The following KCND2 variants were observed in gnomAD, a reference collection of about 807,000 sequenced individuals.
KCND2 encodes the protein potassium voltage-gated channel subfamily D member 2, also known as A-type voltage-gated potassium channel KCND2.
In KCND2, 16 loss-of-function variants were observed where a neutral mutation model predicts 54.4. The ratio of observed to expected loss-of-function variants is 0.29; its 90% CI spans 0.20 to 0.45. The LOEUF is 0.45. Ranked by LOEUF, KCND2 falls within the 20% of genes least tolerant of loss-of-function variation. The probability of loss-of-function intolerance (pLI) is 1.00; values close to 1 mark genes in which losing one functional copy is unlikely to be tolerated. For synonymous variants in KCND2, 317 were observed against 310.7 expected, an observed-to-expected ratio of 1.02 and a Z score of -0.21; for missense variants, 486 against 824.2, an observed-to-expected ratio of 0.59 and a Z score of 5.02.
intron 1 of KCND2, among the ~76,000 whole-genome samples, chr7:120,677,595 C>G (rs1792083334): frequency 6.8e-6 from 1 of 148,104 alleles, no homozygotes; most frequent in Non-Finnish European, 1.5e-5. Context: ...ATAAAATACT[C>G]AATGCTAATT....
intron 1 of KCND2, among the ~76,000 whole-genome samples, chr7:120,334,803 G>A (rs910086290): frequency 2.6e-5 from 4 of 152,182 alleles, no homozygotes; most frequent in Non-Finnish European, 4.4e-5. Flanking sequence ...AATATAATGA[G>A]TCTTCTTAAT....
At chr7:120,289,836 G>A (rs1799408184) in intron 1 of KCND2, among the ~76,000 whole-genome samples, 2 of 151,938 alleles carry the variant, frequency 1.3e-5, no homozygotes. Flanking sequence ...ATTTTAATTG[G>A]GTCTATGATT....
intron 1 of KCND2, among the ~76,000 whole-genome samples, chr7:120,616,735 A>G (rs1793030437): frequency 1.3e-5 from 2 of 152,182 alleles, no homozygotes; most frequent in Admixed American, 6.5e-5. Context: ...GTGTGTGTGC[A>G]TGCCTTTGTG....
Position 120,442,896 on chromosome 7 carries a change from G to C in KCND2, c.1115+167149G>C, listed in dbSNP as rs568210282. Reference sequence around the variant, plus strand: ...ATAAAAGTAAATTAAATTTAAAGAAGAAATTTAAGATCTACATATGTTCTC... The same window carrying C: ...ATAAAAGTAAATTAAATTTAAAGAACAAATTTAAGATCTACATATGTTCTC... On this transcript the variant is annotated intron_variant, in intron 1 of 5. Coordinates refer to ENST00000331113, the MANE Select transcript of KCND2 (RefSeq NM_012281.3). Among the ~76,000 whole-genome samples the C allele has an allele frequency of 1.3e-4, 20 of 152,088 alleles. 1 individual carries two copies. Among genetic ancestry groups the C allele is most frequent in the Admixed American group, 1.2e-3 (19 of 15,260 alleles).
At chr7:120,602,205 T>C in intron 1 of KCND2, among the ~76,000 whole-genome samples, 1 of 152,206 alleles carries the variant, frequency 6.6e-6, no homozygotes, top group East Asian at 1.9e-4. Flanking sequence ...ATTTCCTCAT[T>C]TTAGAGAATT....
chr7:120,484,860 A>G (rs2116287620), intron 1 of KCND2, among the ~76,000 whole-genome samples: 1 of 152,278 alleles, frequency 6.6e-6, no homozygotes, highest in East Asian at 1.9e-4. Flanking sequence ...TTTTAACTGA[A>G]GTAGGAAGTA....
intron 1 of KCND2, among the ~76,000 whole-genome samples, chr7:120,630,735 T>C (rs1235982405): frequency 1.3e-5 from 2 of 152,206 alleles, no homozygotes; most frequent in Non-Finnish European, 2.9e-5. Context: ...GAGTCATGCT[T>C]TTCACAATTT....
chr7:120,658,889 G>A (rs112958122), intron 1 of KCND2, among the ~76,000 whole-genome samples: 177 of 152,282 alleles, frequency 1.2e-3, no homozygotes, highest in African/African-American at 4.0e-3. Flanking sequence ...TGTGGGATTG[G>A]TCTATACCGG....
At chr7:120,744,535 T>G (rs1437525398) in intron 4 of KCND2, among the ~76,000 whole-genome samples, 1 of 152,140 alleles carries the variant, frequency 6.6e-6, no homozygotes, top group Non-Finnish European at 1.5e-5. Flanking sequence ...TTGTGCACCA[T>G]TTTTTCTTTG....
At chr7:120,732,846 G>T (rs1270816678) in intron 1 of KCND2, 57 bp from the exon 2 acceptor site, 4 of 1,456,332 alleles carry the variant, frequency 2.7e-6, no homozygotes, top group Non-Finnish European at 3.8e-6. Flanking sequence ...TTAGTTTCAG[G>T]TAGAAATGTC....
intron 1 of KCND2, among the ~76,000 whole-genome samples, chr7:120,349,095 C>A (rs1483744197): frequency 6.6e-6 from 1 of 152,178 alleles, no homozygotes; most frequent in African/African-American, 2.4e-5. Context: ...TATCTTACCA[C>A]CCCTCATAAA....
intron 1 of KCND2, among the ~76,000 whole-genome samples, chr7:120,315,042 A>T (rs1320073699): frequency 5.3e-5 from 8 of 152,120 alleles, no homozygotes; most frequent in Admixed American, 3.9e-4. Context: ...TTGTTGAAAG[A>T]TATATGGAAG....
At chr7:120,418,850 CAAAT>C (rs1801566241) in intron 1 of KCND2, among the ~76,000 whole-genome samples, 1 of 152,126 alleles carries the variant, frequency 6.6e-6, no homozygotes, top group African/African-American at 2.4e-5. Context: ...TTCCACCAAA[CAAAT>C]ACATTGTTTT....
intron 1 of KCND2, among the ~76,000 whole-genome samples, chr7:120,668,851 A>G (rs532006595): frequency 7.9e-5 from 12 of 152,162 alleles, no homozygotes; most frequent in African/African-American, 2.9e-4. Context: ...AGAGCTACCA[A>G]ATCATTTCAT....
chr7:120,430,258 T>A (rs1801770230), intron 1 of KCND2, among the ~76,000 whole-genome samples: 1 of 152,176 alleles, frequency 6.6e-6, no homozygotes, highest in Non-Finnish European at 1.5e-5. Context: ...TTTCTCTTCG[T>A]GTGCCTCCCT....
chr7:120,515,319 G>A (rs1803180410), intron 1 of KCND2, among the ~76,000 whole-genome samples: 1 of 152,080 alleles, frequency 6.6e-6, no homozygotes, highest in African/African-American at 2.4e-5. Context: ...ATCTGGAAGG[G>A]AATATTCCTG....
intron 1 of KCND2, among the ~76,000 whole-genome samples, chr7:120,310,746 G>A (rs1486837381): frequency 6.6e-6 from 1 of 151,978 alleles, no homozygotes; most frequent in Non-Finnish European, 1.5e-5. Flanking sequence ...AGACCAGCCT[G>A]GCCAACATGG....
At chr7:120,657,271 A>G (rs1320764904) in intron 1 of KCND2, among the ~76,000 whole-genome samples, 4 of 152,206 alleles carry the variant, frequency 2.6e-5, no homozygotes, top group Non-Finnish European at 5.9e-5. Context: ...CAAAAACAGT[A>G]AAGAATAATT....
At chr7:120,511,024 T>A (rs563313055) in intron 1 of KCND2, among the ~76,000 whole-genome samples, 2,406 of 145,004 alleles carry the variant, frequency 0.017, 18 homozygotes, top group Admixed American at 0.034. Flanking sequence ...TCTCTCTCTC[T>A]CACACACACA....
Sources: allele counts gnomAD v4.1 joint callset (sites outside exome capture counted in the v4.1 genomes callset), GRCh38; gene constraint gnomAD v4.1.1; transcripts MANE v1.5; gene names NCBI Gene and HGNC (gene_info 2026-07-23, HGNC 2026-07-21).